MAP6: variants seen among roughly 807,000 people sequenced by gnomAD.
MAP6 encodes the protein microtubule-associated protein 6.
In MAP6, 26 loss-of-function variants were observed where a neutral mutation model predicts 42.4. That is an observed-to-expected ratio of 0.61 (90% CI 0.45 to 0.85). The LOEUF is 0.85. MAP6 is among the 40% of genes least tolerant of loss of function. MAP6 has a pLI of 0.00. For synonymous variants in MAP6, 418 were observed against 443.8 expected (o/e 0.94, Z 0.73); for missense variants, 966 against 1,099.0 (o/e 0.88, Z 1.71).
chr11:75,608,162 C>G lies in MAP6; in HGVS notation c.1066G>C (p.Asp356His). 6.2e-7 allele frequency: 1 copy of G among 1,614,198 alleles called. No individual in the cohort carries two copies. Among genetic ancestry groups the G allele is most frequent in the Admixed American group, 1.7e-5 (1 of 60,022 alleles). ...KPTTADNKVI[D>H]RRRIRSLYSE... ...TAGAGGCTGCGTATTCTTCTGCGAT[C>G]AATGACCTTATTGTCAGCTGTTGTT... The change falls in exon 2 of 4, where the codon GAT becomes CAT. Residue 356 changes from aspartate (D) to histidine (H), a missense_variant. This residue lies in a region of MAP6 where 943 missense variants were observed against 1,049.9 expected (regional missense o/e 0.90). Transcript: ENST00000304771.
chr11:75,631,153 G>C (rs1424131483), intron 1 of MAP6, among the ~76,000 whole-genome samples: 1 of 152,204 alleles, frequency 6.6e-6, no homozygotes, highest in Admixed American at 6.5e-5. Context: ...TTACCTTAAA[G>C]AGGGTTACAG....
chr11:75,627,571 C>T (rs1213509712), intron 1 of MAP6, among the ~76,000 whole-genome samples: 1 of 152,158 alleles, frequency 6.6e-6, no homozygotes, highest in Non-Finnish European at 1.5e-5. Flanking sequence ...CAGTGAGAAA[C>T]TGATTTGCTT....
At chr11:75,632,683 G>T (rs1335692520) in intron 1 of MAP6, among the ~76,000 whole-genome samples, 1 of 152,200 alleles carries the variant, frequency 6.6e-6, no homozygotes, top group Non-Finnish European at 1.5e-5. Flanking sequence ...CTAGGGAATT[G>T]TGGGAAGAGC....
At chr11:75,622,742 A>C (rs993176406) in intron 1 of MAP6, among the ~76,000 whole-genome samples, 1 of 152,238 alleles carries the variant, frequency 6.6e-6, no homozygotes, top group African/African-American at 2.4e-5. Flanking sequence ...TTATGAAGCT[A>C]CTGTAATCAG....
At chr11:75,661,602 C>A (rs1253410020) in intron 1 of MAP6, among the ~76,000 whole-genome samples, 3 of 151,960 alleles carry the variant, frequency 2.0e-5, no homozygotes, top group Non-Finnish European at 2.9e-5. Flanking sequence ...GCTGAGCCTT[C>A]AATAAGAGAA....
At chr11:75,606,765 C>A (rs760815446) in intron 2 of MAP6, among the ~76,000 whole-genome samples, 2 of 152,138 alleles carry the variant, frequency 1.3e-5, no homozygotes, top group Non-Finnish European at 2.9e-5. Context: ...CCACCATTTT[C>A]CCCAGAGCAG....
chr11:75,610,092 C>A (rs1942864730), intron 1 of MAP6, among the ~76,000 whole-genome samples: 1 of 152,180 alleles, frequency 6.6e-6, no homozygotes, highest in Admixed American at 6.5e-5. Flanking sequence ...ACACCCTGTG[C>A]TGCCTCAGGA....
At chr11:75,638,922 G>A (rs191059186) in intron 1 of MAP6, among the ~76,000 whole-genome samples, 4 of 152,242 alleles carry the variant, frequency 2.6e-5, no homozygotes, top group African/African-American at 4.8e-5. Context: ...ACAGATGAGC[G>A]GATAAAGAAA....
rs142578776 is a variant in MAP6 at position 75,663,481 on chromosome 11, A to C, written c.905+3984T>G. On this transcript the variant is annotated intron_variant, in intron 1 of 3. Transcript: ENST00000304771. ...TTCAACAAGCCCTAAAAAGTCCATT[A>C]GATTCAACAAATCTATATGGCACCT... Among the ~76,000 whole-genome samples the C allele has an allele frequency of 2.1e-3, 317 of 152,348 alleles. 1 individual carries two copies. Among genetic ancestry groups the C allele is most frequent in the Non-Finnish European group, 3.8e-3 (260 of 68,032 alleles).
chr11:75,588,858 G>T (rs931417109), intron 3 of MAP6, among the ~76,000 whole-genome samples: 4 of 152,164 alleles, frequency 2.6e-5, no homozygotes, highest in Non-Finnish European at 5.9e-5. Flanking sequence ...TTTGTTATTT[G>T]TTTTTGTAGA....
At chr11:75,602,998 G>A (rs1942691826) in intron 3 of MAP6, 1 of 985,784 alleles carries the variant, frequency 1.0e-6, no homozygotes, top group Non-Finnish European at 1.2e-6. Flanking sequence ...CAGCAGGAAT[G>A]AAATAGCACC....
At chr11:75,635,533 A>C (rs1943354517) in intron 1 of MAP6, among the ~76,000 whole-genome samples, 1 of 152,260 alleles carries the variant, frequency 6.6e-6, no homozygotes, top group Non-Finnish European at 1.5e-5. Context: ...AAACTGCTAA[A>C]ACACTTTCAA....
At chr11:75,618,359 C>A (rs921413093) in intron 1 of MAP6, among the ~76,000 whole-genome samples, 1 of 152,040 alleles carries the variant, frequency 6.6e-6, no homozygotes, top group African/African-American at 2.4e-5. Flanking sequence ...GTAATCCCAG[C>A]ACTTTGGGAG....
chr11:75,649,819 G>A (rs1270013423), intron 1 of MAP6, among the ~76,000 whole-genome samples: 1 of 152,118 alleles, frequency 6.6e-6, no homozygotes. Flanking sequence ...GATTACAGGT[G>A]TGAGCCACCG....
intron 3 of MAP6, among the ~76,000 whole-genome samples, chr11:75,602,525 C>T (rs1381209830): frequency 1.3e-5 from 2 of 152,164 alleles, no homozygotes; most frequent in African/African-American, 2.4e-5. Context: ...TCCTGCCAGT[C>T]GACAGGAAGG....
rs1489784611 is a variant in MAP6 at position 75,667,044 on chromosome 11, AG to A, written c.905+420del. On this transcript the variant is annotated intron_variant, in intron 1 of 3. Transcript: ENST00000304771. The surrounding 1 kb of genome is among the most constrained non-coding windows in gnomAD (Gnocchi z 5.6). ...GAACTGGGCTAGGGAGGAGGGCGAG[AG>A]GCCACTTGGAAAGAATTCTTCTTCT... Among the ~76,000 whole-genome samples, 1 of 152,202 alleles carries A rather than the reference AG, an allele frequency of 6.6e-6. No homozygotes were observed. The highest frequency in any genetic ancestry group is 1.5e-5 in the Non-Finnish European group (1 of 68,034).
chr11:75,602,318 C>T (rs1441957222), intron 3 of MAP6, among the ~76,000 whole-genome samples: 8 of 152,176 alleles, frequency 5.3e-5, no homozygotes, highest in Non-Finnish European at 1.0e-4. Flanking sequence ...TCCCAACTAC[C>T]TGATCTGTTG....
intron 3 of MAP6, 45 bp downstream of exon 3, chr11:75,605,763 A>G: frequency 2.5e-6 from 4 of 1,576,546 alleles, no homozygotes; most frequent in Admixed American, 1.8e-5. Flanking sequence ...AGTTGGGGGG[A>G]GGGAGAGAGA....
At position 75,668,313 on chromosome 11, in the gene MAP6, C is replaced by A; in HGVS notation, c.57G>T (p.Leu19Phe). The change falls in exon 1 of 4, where the codon TTG (leucine) becomes TTT (phenylalanine). Residue 19 changes from leucine to phenylalanine, a missense_variant. Coordinates refer to ENST00000304771, the MANE Select transcript of MAP6 (RefSeq NM_033063.2). ...GCGGCACAGCGATGTCCGCTTTGTC[C>A]AACTGGTTCCAGAAGCGGGCGATGC... ...ACCIARFWNQLDKADIAVPLV... is the reference protein window; with the variant it reads ...ACCIARFWNQFDKADIAVPLV... 6.3e-7 allele frequency: 1 copy of A among 1,576,852 alleles called. No individual in the cohort carries two copies. Among genetic ancestry groups the A allele is most frequent in the Non-Finnish European group, 8.6e-7 (1 of 1,169,178 alleles).
Sources: gnomAD v4.1 joint callset for allele counts (sites outside exome capture counted in the v4.1 genomes callset) on GRCh38, gnomAD v4.1.1 for gene constraint, gnomAD v4.1.1 regional missense constraint, Gnocchi (gnomAD v3.1) non-coding constraint, MANE v1.5 for transcripts, NCBI Gene and HGNC (gene_info 2026-07-23, HGNC 2026-07-21) for gene names.